KCNMB4: variants seen among roughly 807,000 people sequenced by gnomAD.
KCNMB4 encodes calcium-activated potassium channel subunit beta-4.
In KCNMB4, 3 loss-of-function variants were observed where a neutral mutation model predicts 20.7. The ratio of observed to expected loss-of-function variants is 0.14; its 90% confidence interval spans 0.07 to 0.37. KCNMB4 has a LOEUF of 0.37. Among genes scored for constraint, KCNMB4 ranks in the 10% least tolerant of loss-of-function variants. KCNMB4 has a pLI of 1.00. For missense variants in KCNMB4, 168 were observed against 265.9 expected (o/e 0.63, Z 2.56); for synonymous variants, 110 against 113.4 (o/e 0.97, Z 0.19).
chr12:70,397,190 T>C (rs1169554270), intron 1 of KCNMB4, among the ~76,000 whole-genome samples: 1 of 152,018 alleles, frequency 6.6e-6, no homozygotes, highest in African/African-American at 2.4e-5. Flanking sequence ...AGACACCTTC[T>C]CTACAAAAAA....
intron 2 of KCNMB4, among the ~76,000 whole-genome samples, chr12:70,406,417 T>C (rs914361418): frequency 1.3e-5 from 2 of 152,192 alleles, no homozygotes; most frequent in Non-Finnish European, 1.5e-5. Context: ...AGATGAAAAC[T>C]GTTGGAGGGA....
chr12:70,425,968 A>G (rs1055454952), intron 2 of KCNMB4, among the ~76,000 whole-genome samples: 11 of 152,082 alleles, frequency 7.2e-5, no homozygotes, highest in African/African-American at 2.2e-4. Context: ...GTAAAACCCC[A>G]TCTCTACACA....
At chr12:70,417,923 G>T (rs1443419903) in intron 2 of KCNMB4, among the ~76,000 whole-genome samples, 2 of 152,128 alleles carry the variant, frequency 1.3e-5, no homozygotes, top group Non-Finnish European at 2.9e-5. Context: ...TTCTTTATGG[G>T]GGCATTTGTG....
At chr12:70,402,810 C>T (rs1007006948) in intron 2 of KCNMB4, among the ~76,000 whole-genome samples, 11 of 152,226 alleles carry the variant, frequency 7.2e-5, no homozygotes, top group Middle Eastern at 3.4e-3. Flanking sequence ...GCTCTTTTCA[C>T]AGTTATAATA....
Position 70,433,951 on chromosome 12 carries a change from T to C in KCNMB4, c.*3298T>C, listed in dbSNP as rs903164245. 3.3e-5 allele frequency: 5 copies of C among 152,218 alleles called. No homozygotes were observed. Among genetic ancestry groups the C allele is most frequent in the Admixed American group, 1.3e-4 (2 of 15,280 alleles). The allele number at this position is 152,218 out of a possible 1,614,324, so 9.4% of individuals were successfully genotyped here. On this transcript the variant is annotated 3_prime_UTR_variant, in exon 3 of 3. Transcript: ENST00000258111. ...AGATTGCCTTAGAGACTGAAAAATA[T>C]ACGCTTTTATAGGCCGGGGTTTTAG...
At chr12:70,430,424 G>A in intron 2 of KCNMB4, 61 bp from the exon 3 acceptor site, 1 of 1,574,012 alleles carries the variant, frequency 6.4e-7, no homozygotes, top group Non-Finnish European at 8.7e-7. Context: ...AGGTTGTAAA[G>A]AGTTTTTCAG....
intron 1 of KCNMB4, among the ~76,000 whole-genome samples, chr12:70,374,267 G>A (rs1004722187): frequency 6.6e-6 from 1 of 152,020 alleles, no homozygotes. Context: ...GACACATTTT[G>A]TTTATTTAAA....
At chr12:70,383,788 G>C (rs913146419) in intron 1 of KCNMB4, among the ~76,000 whole-genome samples, 1 of 152,164 alleles carries the variant, frequency 6.6e-6, no homozygotes, top group African/African-American at 2.4e-5. Flanking sequence ...CACCAGTACA[G>C]CCAGGTGCGG....
chr12:70,378,375 A>G (rs577761176), intron 1 of KCNMB4, among the ~76,000 whole-genome samples: 1 of 152,092 alleles, frequency 6.6e-6, no homozygotes, highest in South Asian at 2.1e-4. Flanking sequence ...CTTCTTCCAA[A>G]CTCCTATAAT....
chr12:70,388,840 CTT>C (rs1868277855), intron 1 of KCNMB4, among the ~76,000 whole-genome samples: 1 of 152,084 alleles, frequency 6.6e-6, no homozygotes, highest in Non-Finnish European at 1.5e-5. Flanking sequence ...AATGTTTGCT[CTT>C]GTTATTATGA....
intron 1 of KCNMB4, among the ~76,000 whole-genome samples, chr12:70,379,671 C>T (rs911234012): frequency 6.6e-6 from 1 of 152,226 alleles, no homozygotes; most frequent in African/African-American, 2.4e-5. Context: ...CTTCTCCCTT[C>T]AGAATGCTGG....
At chr12:70,378,835 C>T (rs1208216156) in intron 1 of KCNMB4, among the ~76,000 whole-genome samples, 2 of 152,156 alleles carry the variant, frequency 1.3e-5, no homozygotes, top group Non-Finnish European at 2.9e-5. Flanking sequence ...CCACACCCAG[C>T]CCAAAGTGTA....
chr12:70,367,171 T>A, intron 1 of KCNMB4, 101 bp downstream of exon 1: 1 of 900,150 alleles, frequency 1.1e-6, no homozygotes, highest in East Asian at 2.7e-5. Flanking sequence ...GTGCTCGCAT[T>A]GCTAGGAGGA....
chr12:70,400,487 G>T, intron 2 of KCNMB4, 151 bp downstream of exon 2: 1 of 756,658 alleles, frequency 1.3e-6, no homozygotes, highest in East Asian at 2.7e-5. Flanking sequence ...TAATGAATCT[G>T]CAGGACAGAG....
chr12:70,405,552 G>A (rs1370525170), intron 2 of KCNMB4, among the ~76,000 whole-genome samples: 1 of 152,214 alleles, frequency 6.6e-6, no homozygotes, highest in African/African-American at 2.4e-5. Context: ...GCAAAAGGAT[G>A]CAGCTGCTAT....
intron 2 of KCNMB4, among the ~76,000 whole-genome samples, chr12:70,416,026 C>T (rs1218261214): frequency 6.6e-6 from 1 of 152,200 alleles, no homozygotes; most frequent in Admixed American, 6.5e-5. Context: ...ATAAACATCT[C>T]TAAACTTTTT....
chr12:70,389,967 T>A (rs1361141391), intron 1 of KCNMB4, among the ~76,000 whole-genome samples: 5 of 152,218 alleles, frequency 3.3e-5, no homozygotes, highest in Admixed American at 2.6e-4. Flanking sequence ...TTTAACACAC[T>A]CTAATCATGT....
chr12:70,387,401 T>A (rs1366461643), intron 1 of KCNMB4, among the ~76,000 whole-genome samples: 1 of 83,152 alleles, frequency 1.2e-5, no homozygotes, highest in East Asian at 7.7e-4. Context: ...TTTTTTAATT[T>A]TTTTTTTTTT....
intron 2 of KCNMB4, among the ~76,000 whole-genome samples, chr12:70,411,435 A>G (rs1234544626): frequency 1.3e-5 from 2 of 152,204 alleles, no homozygotes; most frequent in Non-Finnish European, 2.9e-5. Flanking sequence ...TTTACCAATA[A>G]TATTTTAATA....
Sources: gnomAD v4.1 joint callset for allele counts (sites outside exome capture counted in the v4.1 genomes callset) on GRCh38, gnomAD v4.1.1 for gene constraint, MANE v1.5 for transcripts, NCBI Gene and HGNC (gene_info 2026-07-23, HGNC 2026-07-21) for gene names.